KIRREL3: variants seen among roughly 807,000 people sequenced by gnomAD.
The protein encoded by KIRREL3 is kirre like nephrin family adhesion molecule 3, also known as kin of IRRE-like protein 3.
Under a neutral mutation model 89.7 loss-of-function variants are expected in KIRREL3, and 36 were observed. That is an observed-to-expected ratio of 0.40 (90% CI 0.31 to 0.53). The LOEUF is 0.53. Ranked by LOEUF, KIRREL3 falls within the 20% of genes least tolerant of loss-of-function variation. The probability of loss-of-function intolerance (pLI) is 0.49; values close to 1 mark genes in which losing one functional copy is unlikely to be tolerated. For synonymous variants in KIRREL3, 445 were observed against 441.4 expected (o/e 1.01, Z -0.10); for missense variants, 864 against 1,056.6 (o/e 0.82, Z 2.53).
chr11:126,805,401 C>G lies in KIRREL3; in HGVS notation c.55+195054G>C, dbSNP rs1951172582. On this transcript the variant is annotated intron_variant, in intron 1 of 16. Transcript: ENST00000525144. This position sits in a 1 kb window ranked among gnomAD's most constrained non-coding sequence, Gnocchi z 4.3. ...ATTTAATTACTCAGATGCTCTTATGCTCCTCAAAGGTCCTAGTGCACCTCT... is the reference window on the plus strand; with the variant it reads ...ATTTAATTACTCAGATGCTCTTATGGTCCTCAAAGGTCCTAGTGCACCTCT... Among the ~76,000 whole-genome samples, 1 of 152,146 alleles carries G rather than the reference C, an allele frequency of 6.6e-6. No homozygotes were observed. The highest frequency in any genetic ancestry group is 6.5e-5 in the Admixed American group (1 of 15,276).
intron 1 of KIRREL3, among the ~76,000 whole-genome samples, chr11:126,760,827 T>C (rs1205818385): frequency 6.6e-6 from 1 of 152,216 alleles, no homozygotes; most frequent in Non-Finnish European, 1.5e-5. Context: ...TAATACCTAT[T>C]GATAGGATTG....
At chr11:126,866,359 C>A (rs1156596408) in intron 1 of KIRREL3, among the ~76,000 whole-genome samples, 1 of 152,220 alleles carries the variant, frequency 6.6e-6, no homozygotes, top group African/African-American at 2.4e-5. Flanking sequence ...TTCCCAGGTC[C>A]TCTCACTTAG....
intron 11 of KIRREL3, among the ~76,000 whole-genome samples, chr11:126,439,645 C>A (rs992128595): frequency 6.6e-6 from 1 of 151,114 alleles, no homozygotes; most frequent in Non-Finnish European, 1.5e-5. Context: ...GGTGAGACCC[C>A]ATCTCTACTG....
At chr11:126,626,501 A>G (rs1943790045) in intron 1 of KIRREL3, among the ~76,000 whole-genome samples, 1 of 152,224 alleles carries the variant, frequency 6.6e-6, no homozygotes, top group African/African-American at 2.4e-5. Context: ...CATTGTGCCA[A>G]CCATTAACTC....
intron 9 of KIRREL3, among the ~76,000 whole-genome samples, chr11:126,445,735 C>A (rs1428545361): frequency 6.6e-6 from 1 of 152,170 alleles, no homozygotes; most frequent in Non-Finnish European, 1.5e-5. Context: ...CATAACAGGC[C>A]ACACAAAGGT....
chr11:126,856,327 A>G (rs1347205235), intron 1 of KIRREL3, among the ~76,000 whole-genome samples: 1 of 152,164 alleles, frequency 6.6e-6, no homozygotes, highest in Non-Finnish European at 1.5e-5. Flanking sequence ...ACGGGGAACA[A>G]GTGAAGACAA....
At chr11:126,456,637 G>A (rs1455855305) in intron 6 of KIRREL3, among the ~76,000 whole-genome samples, 183 bp from the exon 7 acceptor site, 2 of 152,226 alleles carry the variant, frequency 1.3e-5, no homozygotes, top group Non-Finnish European at 2.9e-5. Context: ...AGTCCTGGAG[G>A]TGGGAACAGG....
rs1333002400 is a variant in KIRREL3, at chr11:126,963,324, CACACACACACAG to C, written c.55+37119_55+37130del. ...CAGAACACACATACACACACACACA[CACACACACACAG>C]ACACACACACAGACACACACACAGA... On this transcript the variant is annotated intron_variant, in intron 1 of 16. Coordinates refer to ENST00000525144, the MANE Select transcript of KIRREL3 (RefSeq NM_032531.4). 5.3e-5 allele frequency among the ~76,000 whole-genome samples: 8 copies of C among 151,330 alleles called. No homozygotes were observed. The East Asian group carries it at 5.8e-4, about 11-fold the overall frequency.
In KIRREL3 at chr11:126,459,258, T is replaced by C. The variant is rs891103717; in HGVS notation, c.743-2804A>G. Among the ~76,000 whole-genome samples, 1 of 152,042 alleles carries C rather than the reference T, an allele frequency of 6.6e-6. No individual in the cohort carries two copies. The highest frequency in any genetic ancestry group is 2.4e-5 in the African/African-American group (1 of 41,388). On this transcript the variant is annotated intron_variant, in intron 6 of 16. Coordinates refer to ENST00000525144, the MANE Select transcript of KIRREL3 (RefSeq NM_032531.4). This position sits in a 1 kb window ranked among gnomAD's most constrained non-coding sequence, Gnocchi z 4.8. ...CACCTGGGGGTCTTTTCTAAAGTGA[T>C]GAGGTCTGAGAGGCAGGGAGGTGGG...
At chr11:126,973,100 G>GAAA (rs11449960) in intron 1 of KIRREL3, among the ~76,000 whole-genome samples, 2,877 of 119,456 alleles carry the variant, frequency 0.024, 74 homozygotes, top group Non-Finnish European at 0.034. Context: ...AAGTTTTGAG[G>GAAA]AAAAAAAAAA....
chr11:126,648,871 A>G (rs1944797057), intron 1 of KIRREL3, among the ~76,000 whole-genome samples: 1 of 152,238 alleles, frequency 6.6e-6, no homozygotes, highest in South Asian at 2.1e-4. Context: ...CTAAAATCAC[A>G]GTCCTACAAT....
Position 126,755,845 on chromosome 11 carries a change from GA to G in KIRREL3, c.56-192934del. On this transcript the variant is annotated intron_variant, in intron 1 of 16. Coordinates refer to ENST00000525144, the MANE Select transcript of KIRREL3 (RefSeq NM_032531.4). This position sits in a 1 kb window ranked among gnomAD's most constrained non-coding sequence, Gnocchi z 4.3. ...AGGCAGAGAGAGAGAGAGAGAGAGA[GA>G]GAGAGAGAGGGAGAGAGGGAGAGAG... 7.0e-6 allele frequency among the ~76,000 whole-genome samples: 1 copy of G among 141,990 alleles called. No individual in the cohort carries two copies. Among genetic ancestry groups the G allele is most frequent in the Admixed American group, 6.9e-5 (1 of 14,442 alleles). 93.2% of individuals were successfully genotyped at this position (141,990 alleles called of 152,430 possible). A position where few individuals can be genotyped will look rare whatever the true frequency, so the allele number is the denominator to read the frequency against.
intron 1 of KIRREL3, among the ~76,000 whole-genome samples, chr11:126,661,722 G>A (rs565378143): frequency 1.9e-3 from 282 of 152,344 alleles, no homozygotes; most frequent in African/African-American, 6.5e-3. Context: ...GAGGGAGCTA[G>A]AAAACTATGG....
chr11:126,728,885 C>T (rs1341572541), intron 1 of KIRREL3, among the ~76,000 whole-genome samples: 1 of 151,900 alleles, frequency 6.6e-6, no homozygotes, highest in Non-Finnish European at 1.5e-5. Flanking sequence ...ACAGACGCTG[C>T]CCCATTCTCA....
intron 4 of KIRREL3, among the ~76,000 whole-genome samples, chr11:126,483,371 C>T (rs1181630991): frequency 6.6e-6 from 1 of 152,234 alleles, no homozygotes; most frequent in Non-Finnish European, 1.5e-5. Flanking sequence ...CTTTTCTCTT[C>T]TTAATCTATC....
intron 5 of KIRREL3, among the ~76,000 whole-genome samples, chr11:126,467,220 A>G (rs893262977): frequency 2.0e-5 from 3 of 152,208 alleles, no homozygotes; most frequent in Admixed American, 2.0e-4. Context: ...CTGCCTGCTC[A>G]GGTGCCGCCT....
At chr11:126,893,078 G>A (rs1344539625) in intron 1 of KIRREL3, among the ~76,000 whole-genome samples, 1 of 152,216 alleles carries the variant, frequency 6.6e-6, no homozygotes, top group Non-Finnish European at 1.5e-5. Context: ...AAGTACAGGA[G>A]AAGAACAGTG....
intron 1 of KIRREL3, among the ~76,000 whole-genome samples, chr11:126,699,997 C>A (rs1311535798): frequency 6.6e-6 from 1 of 151,934 alleles, no homozygotes; most frequent in African/African-American, 2.4e-5. Context: ...GGTTCGAGAC[C>A]AGCCCGAGCA....
rs147900005 is a variant in KIRREL3 at position 126,867,769 on chromosome 11, GAGCCTTTA to G, written c.55+132678_55+132685del. Reference sequence around the variant, plus strand: ...AACCCAGACTTTCTGCCTTTTTTATGAGCCTTTAACCACAATTTTTACTGCCGCTCAGT... The same window carrying G: ...AACCCAGACTTTCTGCCTTTTTTATGACCACAATTTTTACTGCCGCTCAGT... On this transcript the variant is annotated intron_variant, in intron 1 of 16. Coordinates refer to ENST00000525144, the MANE Select transcript of KIRREL3 (RefSeq NM_032531.4). This position sits in a 1 kb window ranked among gnomAD's most constrained non-coding sequence, Gnocchi z 4.7. Among the ~76,000 whole-genome samples the G allele has an allele frequency of 3.5e-4, 53 of 152,164 alleles. No individual in the cohort carries two copies. The East Asian group carries it at 9.5e-3, about 27-fold the overall frequency.
Sources: gnomAD v4.1 joint callset for allele counts (sites outside exome capture counted in the v4.1 genomes callset) on GRCh38, gnomAD v4.1.1 for gene constraint, Gnocchi (gnomAD v3.1) non-coding constraint, MANE v1.5 for transcripts, NCBI Gene and HGNC (gene_info 2026-07-23, HGNC 2026-07-21) for gene names.